SMAD3: variants seen among roughly 807,000 people sequenced by gnomAD.
SMAD3 encodes SMAD family member 3.
SMAD3 carries 12 observed loss-of-function variants against 51.8 expected under a neutral mutation model. That is an observed-to-expected ratio of 0.23 (90% confidence interval 0.15 to 0.38). SMAD3 has a LOEUF of 0.38. Among genes scored for constraint, SMAD3 ranks in the 10% least tolerant of loss-of-function variants. SMAD3 has a pLI of 1.00. For synonymous variants in SMAD3, 238 were observed against 227.7 expected, an observed-to-expected ratio of 1.05 and a Z score of -0.41; for missense variants, 294 against 565.6, an observed-to-expected ratio of 0.52 and a Z score of 4.87.
intron 1 of SMAD3, among the ~76,000 whole-genome samples, chr15:67,144,587 T>G (rs1961924652): frequency 3.3e-5 from 5 of 152,200 alleles, no homozygotes. Context: ...GGCTTGATGG[T>G]GCTTGTAGGG....
At chr15:67,116,390 C>T (rs1794692212) in intron 1 of SMAD3, among the ~76,000 whole-genome samples, 5 of 152,188 alleles carry the variant, frequency 3.3e-5, no homozygotes. Flanking sequence ...TAGAAATCTT[C>T]CCTAAAACTG....
chr15:67,104,737 G>C (rs563549852), intron 1 of SMAD3, among the ~76,000 whole-genome samples: 8 of 152,262 alleles, frequency 5.3e-5, no homozygotes, highest in Non-Finnish European at 1.0e-4. Context: ...ACACAAGAAA[G>C]TACTTCCTCT....
chr15:67,169,277 T>C (rs1962678266), intron 4 of SMAD3, among the ~76,000 whole-genome samples: 1 of 152,024 alleles, frequency 6.6e-6, no homozygotes, highest in African/African-American at 2.4e-5. Flanking sequence ...CACATCCCCC[T>C]TTGCATTTGG....
intron 4 of SMAD3, among the ~76,000 whole-genome samples, chr15:67,169,458 C>A (rs1431615673): frequency 5.9e-5 from 9 of 151,938 alleles, no homozygotes; most frequent in Admixed American, 5.9e-4. Context: ...TGGAATTAGA[C>A]CCCATAGGGT....
chr15:67,099,148 G>A (rs974901855), intron 1 of SMAD3: 187 of 639,914 alleles, frequency 2.9e-4, no homozygotes, highest in Non-Finnish European at 4.1e-4. Context: ...AGAAGTAGCC[G>A]CTCTTGTTCA....
chr15:67,133,951 C>A (rs965393192), intron 1 of SMAD3, among the ~76,000 whole-genome samples: 1 of 152,036 alleles, frequency 6.6e-6, no homozygotes, highest in Non-Finnish European at 1.5e-5. Context: ...CTGCCACTGC[C>A]CCCCTCTCTC....
intron 1 of SMAD3, among the ~76,000 whole-genome samples, chr15:67,160,770 CAAAAAAAAAAAAAAAAAAAAAAAAAAAAA>C (rs547354315): frequency 8.4e-4 from 51 of 61,040 alleles, no homozygotes; most frequent in Admixed American, 3.6e-3. Context: ...GACTCCATCT[CAAAAAAAAAAAAAAAAAAAAAAAAAAAAA>C]AAAAAAAAAA....
intron 1 of SMAD3, among the ~76,000 whole-genome samples, chr15:67,104,339 G>A (rs1401848173): frequency 6.6e-5 from 10 of 152,196 alleles, no homozygotes; most frequent in Admixed American, 4.6e-4. Flanking sequence ...ATGGTTAGCC[G>A]CAGGTTTGAT....
At chr15:67,136,463 G>T (rs2140258831) in intron 1 of SMAD3, among the ~76,000 whole-genome samples, 1 of 152,128 alleles carries the variant, frequency 6.6e-6, no homozygotes. Flanking sequence ...CTGAGTAGCT[G>T]GTATTACAGG....
At chr15:67,183,232 T>C (rs1174158734) in intron 6 of SMAD3, among the ~76,000 whole-genome samples, 2 of 151,148 alleles carry the variant, frequency 1.3e-5, no homozygotes, top group South Asian at 2.1e-4. Flanking sequence ...TTAGTAGATA[T>C]GGGGATTCAC....
chr15:67,182,140 A>G (rs1963078308), intron 6 of SMAD3, among the ~76,000 whole-genome samples: 1 of 152,358 alleles, frequency 6.6e-6, no homozygotes, highest in Non-Finnish European at 1.5e-5. Flanking sequence ...GTTGATAAGT[A>G]GGCAGTCATT....
intron 1 of SMAD3, among the ~76,000 whole-genome samples, chr15:67,084,055 ATTTTCTTTTT>A (rs1463117639): frequency 1.1e-4 from 14 of 122,776 alleles, no homozygotes; most frequent in African/African-American, 3.1e-4. Context: ...CCGTTCTCAG[ATTTTCTTTTT>A]TTTTCTTTTT....
chr15:67,116,216 G>A (rs558420189), intron 1 of SMAD3, among the ~76,000 whole-genome samples: 10 of 152,332 alleles, frequency 6.6e-5, no homozygotes, highest in South Asian at 4.1e-4. Context: ...ATAAACCAGC[G>A]CACTGTGGTT....
chr15:67,186,049 T>G (rs559561879), intron 7 of SMAD3, among the ~76,000 whole-genome samples: 1 of 152,380 alleles, frequency 6.6e-6, no homozygotes, highest in South Asian at 2.1e-4. Flanking sequence ...TACATTCCGA[T>G]CGTTGACCTC....
At chr15:67,148,353 G>T (rs970185911) in intron 1 of SMAD3, among the ~76,000 whole-genome samples, 2 of 152,198 alleles carry the variant, frequency 1.3e-5, no homozygotes, top group Non-Finnish European at 2.9e-5. Flanking sequence ...TCCATCCCCA[G>T]TGTGGGCCAT....
intron 5 of SMAD3, among the ~76,000 whole-genome samples, chr15:67,175,572 AAGGGAGGACCCTCCCCCC>A (rs1962868527): frequency 6.6e-6 from 1 of 152,126 alleles, no homozygotes; most frequent in African/African-American, 2.4e-5. Context: ...ATTTCTTCCA[AAGGGAGGACCCTCCCCCC>A]AGGGTGCCAC....
At chr15:67,188,975 C>T (rs1442405256) in intron 8 of SMAD3, among the ~76,000 whole-genome samples, 1 of 152,120 alleles carries the variant, frequency 6.6e-6, no homozygotes, top group African/African-American at 2.4e-5. Context: ...CCAGGAGTGA[C>T]CAGTGGAGCA....
Position 67,191,728 on chromosome 15 carries a change from A to G in SMAD3, c.*1192A>G, listed in dbSNP as rs1465174163. On this transcript the variant is annotated 3_prime_UTR_variant, in exon 9 of 9. Coordinates refer to ENST00000327367, the MANE Select transcript of SMAD3 (RefSeq NM_005902.4). ...CAGAAGGGAAACATCTCAGGCCAAC[A>G]TAGGCAAATGAAAAGGGCTATTAAA... The G allele has an allele frequency of 4.3e-6, 1 of 231,082 alleles. No individual in the cohort carries two copies. The highest frequency in any genetic ancestry group is 2.2e-5 in the African/African-American group (1 of 45,214). 14.3% of individuals were successfully genotyped at this position (231,082 alleles called of 1,614,324 possible).
chr15:67,073,077 T>C (rs146924955), intron 1 of SMAD3, among the ~76,000 whole-genome samples: 60 of 152,328 alleles, frequency 3.9e-4, no homozygotes, highest in South Asian at 2.1e-3. Context: ...GTTGTAAGAA[T>C]GCTGTATGTG....
Sources: allele counts gnomAD v4.1 joint callset (sites outside exome capture counted in the v4.1 genomes callset), GRCh38; gene constraint gnomAD v4.1.1; transcripts MANE v1.5; gene names NCBI Gene and HGNC (gene_info 2026-07-23, HGNC 2026-07-21).